ADAMTS12: variants seen among roughly 807,000 people sequenced by gnomAD.
The protein encoded by ADAMTS12 is A disintegrin and metalloproteinase with thrombospondin motifs 12.
ADAMTS12 carries 118 observed loss-of-function variants against 167.8 expected under a neutral mutation model. That is an observed-to-expected ratio of 0.70 (90% CI 0.61 to 0.82). The LOEUF is 0.82. Among genes scored for constraint, ADAMTS12 ranks in the 40% least tolerant of loss-of-function variants. ADAMTS12 has a pLI of 0.00. For synonymous variants in ADAMTS12, 704 were observed against 716.9 expected, an observed-to-expected ratio of 0.98 and a Z score of 0.29; for missense variants, 1,916 against 1,998.8, an observed-to-expected ratio of 0.96 and a Z score of 0.79.
intron 3 of ADAMTS12, among the ~76,000 whole-genome samples, chr5:33,727,006 G>C (rs1579879054): frequency 6.6e-6 from 1 of 152,266 alleles, no homozygotes; most frequent in East Asian, 1.9e-4. Flanking sequence ...ACTCCTGGGT[G>C]AATCAAATCT....
intron 2 of ADAMTS12, among the ~76,000 whole-genome samples, chr5:33,849,862 CAA>C (rs144527507): frequency 7.6e-4 from 114 of 150,244 alleles, no homozygotes; most frequent in African/African-American, 2.6e-3. Flanking sequence ...TACATTGTAT[CAA>C]TATATATATG....
chr5:33,693,395 T>A (rs376995011), intron 3 of ADAMTS12, among the ~76,000 whole-genome samples: 143 of 152,336 alleles, frequency 9.4e-4, no homozygotes, highest in African/African-American at 3.2e-3. Flanking sequence ...TATGGTTATA[T>A]TTACATATAT....
At chr5:33,807,067 C>T (rs926655840) in intron 2 of ADAMTS12, among the ~76,000 whole-genome samples, 7 of 151,824 alleles carry the variant, frequency 4.6e-5, no homozygotes, top group African/African-American at 1.7e-4. Flanking sequence ...GCGTACAAGG[C>T]CCTTTCTCCT....
chr5:33,540,262 T>C (rs1277695285), intron 22 of ADAMTS12, among the ~76,000 whole-genome samples: 2 of 152,160 alleles, frequency 1.3e-5, no homozygotes, highest in Non-Finnish European at 2.9e-5. Flanking sequence ...GGGAGGGGTG[T>C]CCACCATTGC....
intron 2 of ADAMTS12, among the ~76,000 whole-genome samples, chr5:33,789,579 A>G (rs1438249170): frequency 3.3e-5 from 5 of 152,216 alleles, no homozygotes; most frequent in Non-Finnish European, 5.9e-5. Flanking sequence ...GAAAATGGCT[A>G]GTGGCTGCGT....
At chr5:33,557,821 G>A (rs886874652) in intron 20 of ADAMTS12, among the ~76,000 whole-genome samples, 11 of 152,128 alleles carry the variant, frequency 7.2e-5, no homozygotes, top group Admixed American at 1.3e-4. Context: ...ATTTACAGCT[G>A]CTCCCCATTG....
At position 33,649,559 on chromosome 5, in the gene ADAMTS12, G is replaced by A. The variant is rs1186582743; in HGVS notation, c.1329C>T (p.Phe443=). The A allele has an allele frequency of 6.2e-7, 1 of 1,613,540 alleles. No individual in the cohort carries two copies. Among genetic ancestry groups the A allele is most frequent in the Non-Finnish European group, 8.5e-7 (1 of 1,179,646 alleles). The change falls in exon 8 of 24, where the codon TTC becomes TTT. Residue 443 remains phenylalanine (F), a synonymous_variant. Transcript: ENST00000504830. ...CATGAGACACTGTCACTTACTCCAA[G>A]AAGCGGGTGATGTACTCCTCGCTGC... is the stretch of plus-strand genomic sequence containing the variant. ...SKCSEEYITR[F]LDRGWGFCLD...
chr5:33,880,685 GCA>G (rs1249771037), intron 2 of ADAMTS12, among the ~76,000 whole-genome samples: 1 of 152,248 alleles, frequency 6.6e-6, no homozygotes, highest in African/African-American at 2.4e-5. Context: ...TGATTACGAA[GCA>G]CACAGAGTCA....
intron 3 of ADAMTS12, among the ~76,000 whole-genome samples, chr5:33,745,947 T>C (rs1009087891): frequency 2.6e-5 from 4 of 152,152 alleles, no homozygotes; most frequent in Non-Finnish European, 5.9e-5. Flanking sequence ...GTTAGTAAAA[T>C]CTTGAAGCAC....
intron 2 of ADAMTS12, among the ~76,000 whole-genome samples, chr5:33,758,624 A>G (rs1745247073): frequency 6.6e-6 from 1 of 152,136 alleles, no homozygotes; most frequent in African/African-American, 2.4e-5. Context: ...TTCTGAGCAG[A>G]AGGAGGAAGG....
At chr5:33,825,121 G>A (rs1422459782) in intron 2 of ADAMTS12, among the ~76,000 whole-genome samples, 2 of 152,164 alleles carry the variant, frequency 1.3e-5, no homozygotes, top group African/African-American at 2.4e-5. Context: ...GAGTTCCCGG[G>A]AAAACTACAG....
intron 2 of ADAMTS12, among the ~76,000 whole-genome samples, chr5:33,880,668 T>G (rs1199110943): frequency 6.6e-6 from 1 of 152,264 alleles, no homozygotes; most frequent in Non-Finnish European, 1.5e-5. Context: ...GGTTCCCTCA[T>G]GAAGTCTGAT....
Position 33,745,896 on chromosome 5 carries a change from C to T in ADAMTS12, c.634+5508G>A, listed in dbSNP as rs149781477. On this transcript the variant is annotated intron_variant, in intron 3 of 23. Transcript: ENST00000504830. The stretch of plus-strand genomic sequence containing the variant: ...TCTCCCTATACATTCATGCATTAAG[C>T]ATTTCCCCAAATTTTCACCAACAGT... 2.7e-3 allele frequency among the ~76,000 whole-genome samples: 413 copies of T among 152,220 alleles called. 2 individuals are homozygous for T. Among genetic ancestry groups the T allele is most frequent in the Non-Finnish European group, 5.4e-3 (364 of 68,010 alleles).
chr5:33,844,844 C>T (rs768167998), intron 2 of ADAMTS12, among the ~76,000 whole-genome samples: 4 of 152,150 alleles, frequency 2.6e-5, no homozygotes, highest in Non-Finnish European at 5.9e-5. Flanking sequence ...CCCCCGGACG[C>T]CCAGCTTTAA....
intron 2 of ADAMTS12, among the ~76,000 whole-genome samples, chr5:33,806,252 T>C (rs1747224649): frequency 6.6e-6 from 1 of 152,216 alleles, no homozygotes; most frequent in Non-Finnish European, 1.5e-5. Context: ...GTTTTCAATG[T>C]GTTAGTTCCT....
chr5:33,830,253 A>T (rs1748241045), intron 2 of ADAMTS12, among the ~76,000 whole-genome samples: 2 of 152,186 alleles, frequency 1.3e-5, no homozygotes, highest in African/African-American at 4.8e-5. Flanking sequence ...ATCCCTTCAG[A>T]AGATAGAGGG....
chr5:33,639,484 G>T (rs1305935556), intron 11 of ADAMTS12, among the ~76,000 whole-genome samples: 1 of 152,198 alleles, frequency 6.6e-6, no homozygotes, highest in Non-Finnish European at 1.5e-5. Context: ...TTACGGAAGG[G>T]CTTGTCCTGG....
intron 3 of ADAMTS12, 94 bp downstream of exon 3, chr5:33,751,310 A>G: frequency 6.7e-7 from 1 of 1,503,424 alleles, no homozygotes; most frequent in Non-Finnish European, 9.2e-7. Context: ...CAGAGGAGAT[A>G]AGAGACTTGA....
intron 14 of ADAMTS12, among the ~76,000 whole-genome samples, chr5:33,620,622 C>T (rs1168244950): frequency 6.6e-6 from 1 of 152,104 alleles, no homozygotes; most frequent in East Asian, 1.9e-4. Context: ...CAAATGGTGC[C>T]ATGTGTGGCC....
Sources: allele counts gnomAD v4.1 joint callset (sites outside exome capture counted in the v4.1 genomes callset), GRCh38; gene constraint gnomAD v4.1.1; transcripts MANE v1.5; gene names NCBI Gene and HGNC (gene_info 2026-07-23, HGNC 2026-07-21).